BACE2: variants seen among roughly 807,000 people sequenced by gnomAD.
BACE2 encodes 56 kDa aspartic-like protease.
In BACE2, 17 loss-of-function variants were observed where a neutral mutation model predicts 46.2. The observed-to-expected ratio is 0.37, with a 90% CI of 0.25 to 0.55. BACE2 has a LOEUF of 0.55. Among genes scored for constraint, BACE2 ranks in the 20% least tolerant of loss-of-function variants. The pLI is 0.82. For missense variants in BACE2, 595 were observed against 698.1 expected, an observed-to-expected ratio of 0.85 and a Z score of 1.66; for synonymous variants, 277 against 295.9, an observed-to-expected ratio of 0.94 and a Z score of 0.66.
chr21:41,244,307 T>C (rs1044393302), intron 5 of BACE2, among the ~76,000 whole-genome samples: 1 of 152,132 alleles, frequency 6.6e-6, no homozygotes, highest in African/African-American at 2.4e-5. Flanking sequence ...CAGGCTTTGT[T>C]TGAGCAACAA....
At chr21:41,217,290 G>A (rs1315930587) in intron 1 of BACE2, among the ~76,000 whole-genome samples, 1 of 152,186 alleles carries the variant, frequency 6.6e-6, no homozygotes, top group Non-Finnish European at 1.5e-5. Flanking sequence ...TCCTACTGTT[G>A]TGCAATTAGT....
intron 6 of BACE2, among the ~76,000 whole-genome samples, 174 bp from the exon 7 acceptor site, chr21:41,250,578 T>C (rs1430124108): frequency 6.6e-6 from 1 of 152,226 alleles, no homozygotes; most frequent in Non-Finnish European, 1.5e-5. Context: ...TTAATCATTA[T>C]TATTTTGTCA....
intron 1 of BACE2, among the ~76,000 whole-genome samples, chr21:41,209,874 T>A (rs1303478239): frequency 1.3e-5 from 2 of 152,192 alleles, no homozygotes; most frequent in African/African-American, 4.8e-5. Flanking sequence ...TCCCAATATG[T>A]TTAAGGGCGT....
chr21:41,212,807 A>G (rs1986341159), intron 1 of BACE2, among the ~76,000 whole-genome samples: 1 of 152,224 alleles, frequency 6.6e-6, no homozygotes, highest in Non-Finnish European at 1.5e-5. Flanking sequence ...GAATATGGGT[A>G]GGCCACCAGC....
At chr21:41,211,418 C>CA (rs1156410967) in intron 1 of BACE2, among the ~76,000 whole-genome samples, 2 of 152,240 alleles carry the variant, frequency 1.3e-5, no homozygotes, top group African/African-American at 4.8e-5. Context: ...TGATTCCCCC[C>CA]TCCCTTTATA....
Position 41,190,108 on chromosome 21 carries a change from C to T in BACE2, c.312+21533C>T, listed in dbSNP as rs780561641. On this transcript the variant is annotated intron_variant, in intron 1 of 8. Transcript: ENST00000330333. ...AGCCCACTGCCTCAAACGTTAATCT[C>T]TTTTGACAACACCCTCACAGACACA... 4.6e-5 allele frequency among the ~76,000 whole-genome samples: 7 copies of T among 152,190 alleles called. No homozygotes were observed. In the South Asian group the frequency reaches 6.2e-4, roughly 14 times the overall value.
chr21:41,249,790 T>C (rs1476224777), intron 6 of BACE2, among the ~76,000 whole-genome samples: 1 of 152,136 alleles, frequency 6.6e-6, no homozygotes, highest in Non-Finnish European at 1.5e-5. Flanking sequence ...CAGTCCTTCC[T>C]CAGCAGCCGG....
intron 1 of BACE2, among the ~76,000 whole-genome samples, chr21:41,205,784 G>C (rs1555851502): frequency 2.6e-5 from 4 of 152,142 alleles, no homozygotes; most frequent in Non-Finnish European, 5.9e-5. Context: ...ATTGAAAACT[G>C]TTATGAAAGA....
intron 1 of BACE2, among the ~76,000 whole-genome samples, chr21:41,204,728 A>G (rs111271000): frequency 0.011 from 1,707 of 152,288 alleles, 28 homozygotes; most frequent in African/African-American, 0.036. Flanking sequence ...AAACGTCTGT[A>G]TTTTGCTGGC....
chr21:41,236,288 A>C (rs1029111772), intron 2 of BACE2, among the ~76,000 whole-genome samples: 1 of 152,208 alleles, frequency 6.6e-6, no homozygotes, highest in Non-Finnish European at 1.5e-5. Context: ...CACTGTCTTC[A>C]TTCAGGTCTC....
intron 1 of BACE2, among the ~76,000 whole-genome samples, chr21:41,192,324 C>T (rs950215645): frequency 6.6e-6 from 1 of 152,200 alleles, no homozygotes; most frequent in Non-Finnish European, 1.5e-5. Flanking sequence ...GGCATTTGAA[C>T]CACTTCCTCA....
chr21:41,221,854 G>A lies in BACE2; in HGVS notation c.313-4412G>A, dbSNP rs549955089. Among the ~76,000 whole-genome samples the A allele has an allele frequency of 2.0e-5, 3 of 147,334 alleles. No individual in the cohort carries two copies. The East Asian group carries it at 5.9e-4, about 29-fold the overall frequency. ...AAAAAAAAAAAAAAAAAAAAAAAGT[G>A]TCAGTGTCTACTGTGTGCCTGGCCC... On this transcript the variant is annotated intron_variant, in intron 1 of 8. Coordinates refer to ENST00000330333, the MANE Select transcript of BACE2 (RefSeq NM_012105.5).
intron 6 of BACE2, chr21:41,246,272 G>T (rs114515876): frequency 5.7e-5 from 17 of 295,758 alleles, no homozygotes; most frequent in Non-Finnish European, 9.1e-5. Context: ...ATTTTGAAGG[G>T]TTTTGTTTCA....
At chr21:41,243,060 C>T (rs995509351) in intron 4 of BACE2, among the ~76,000 whole-genome samples, 12 of 152,036 alleles carry the variant, frequency 7.9e-5, no homozygotes, top group African/African-American at 1.2e-4. Flanking sequence ...ACTACAGGTG[C>T]GCGCCACCTT....
intron 1 of BACE2, among the ~76,000 whole-genome samples, chr21:41,189,021 G>A (rs964759368): frequency 6.6e-6 from 1 of 152,146 alleles, no homozygotes; most frequent in Non-Finnish European, 1.5e-5. Context: ...TGTGTCCCTC[G>A]AGAGTTTTGA....
chr21:41,251,416 A>G lies in BACE2; in HGVS notation c.1134+515A>G, dbSNP rs552084973. On this transcript the variant is annotated intron_variant, in intron 7 of 8. Transcript: ENST00000330333. ...GAGGAGCCATGGAGCCGCATTGCCA[A>G]GGGTGTGGCTACAAGGAAAAGGGAA... Among the ~76,000 whole-genome samples, 67 of 152,342 alleles carry G rather than the reference A, an allele frequency of 4.4e-4. 1 individual carries two copies. The highest frequency in any genetic ancestry group is 1.6e-3 in the African/African-American group (67 of 41,578).
chr21:41,254,082 A>G (rs1987712269), intron 7 of BACE2, among the ~76,000 whole-genome samples: 1 of 152,188 alleles, frequency 6.6e-6, no homozygotes. Flanking sequence ...ATGGGGCCCT[A>G]CCTGGGACCT....
intron 8 of BACE2, among the ~76,000 whole-genome samples, chr21:41,271,688 T>C (rs1413607798): frequency 6.6e-6 from 1 of 152,182 alleles, no homozygotes; most frequent in Non-Finnish European, 1.5e-5. Context: ...GAATATGTAG[T>C]GTAAATTTTT....
At chr21:41,221,584 G>A (rs1188986424) in intron 1 of BACE2, among the ~76,000 whole-genome samples, 1 of 152,194 alleles carries the variant, frequency 6.6e-6, no homozygotes, top group Non-Finnish European at 1.5e-5. Flanking sequence ...CCAGCACTTT[G>A]GGAGGCCGCA....
Sources: allele counts gnomAD v4.1 joint callset (sites outside exome capture counted in the v4.1 genomes callset), GRCh38; gene constraint gnomAD v4.1.1; transcripts MANE v1.5; gene names NCBI Gene and HGNC (gene_info 2026-07-23, HGNC 2026-07-21).